GPC4: variants seen among roughly 807,000 people sequenced by gnomAD.
GPC4 encodes glypican 4, also known as glypican-4.
Under a neutral mutation model 35.0 loss-of-function variants are expected in GPC4, and 10 were observed. The observed-to-expected ratio is 0.29, with a 90% confidence interval of 0.18 to 0.48. The LOEUF (loss-of-function observed/expected upper bound fraction) is 0.48. GPC4 is among the 20% of genes least tolerant of loss of function. GPC4 has a pLI of 0.99. For missense variants in GPC4, 322 were observed against 451.3 expected, an observed-to-expected ratio of 0.71 and a Z score of 2.60; for synonymous variants, 167 against 170.2, an observed-to-expected ratio of 0.98 and a Z score of 0.15.
intron 1 of GPC4, among the ~76,000 whole-genome samples, chrX:133,403,843 A>T (rs887188652): frequency 2.7e-5 from 3 of 109,632 alleles, no homozygotes; most frequent in Non-Finnish European, 5.7e-5. Context: ...TTACAGGTGC[A>T]TACCACCACA....
rs773106480 is a variant in GPC4 at position 133,336,248 on chromosome X, A to G, written c.319+2935T>C. On this transcript the variant is annotated intron_variant, in intron 2 of 8. Coordinates refer to ENST00000370828, the MANE Select transcript of GPC4 (RefSeq NM_001448.3). The stretch of plus-strand genomic sequence containing the variant: ...AATTGACAGCCTTAAAAATTAGTCA[A>G]TCATCGCCAGGCGCGGTGGCTCATG... 3.6e-5 allele frequency among the ~76,000 whole-genome samples: 4 copies of G among 111,594 alleles called. No individual in the cohort carries two copies. The East Asian group carries it at 1.1e-3, about 32-fold the overall frequency.
At chrX:133,408,071 A>G (rs111302095) in intron 1 of GPC4, among the ~76,000 whole-genome samples, 410 of 112,708 alleles carry the variant, frequency 3.6e-3, no homozygotes, top group African/African-American at 0.012. Flanking sequence ...GCTGAATTAA[A>G]TGCATCAGAA....
In GPC4 at chrX:133,412,297, T is replaced by G. The variant is rs879213984; in HGVS notation, c.160+2509A>C. ...GAGAGGCCAGGGTGATGGTAAAGAT[T>G]ACGCCTGTTTCTATACTGGCCGTCT... On this transcript the variant is annotated intron_variant, in intron 1 of 8. Transcript: ENST00000370828. Among the ~76,000 whole-genome samples, 4 of 112,242 alleles carry G rather than the reference T, an allele frequency of 3.6e-5. No homozygotes were observed. The Admixed American group carries it at 3.8e-4, about 11-fold the overall frequency.
intron 1 of GPC4, among the ~76,000 whole-genome samples, chrX:133,387,850 T>C (rs775149156): frequency 5.4e-5 from 6 of 112,042 alleles, no homozygotes; most frequent in East Asian, 5.6e-4. Flanking sequence ...AATGCTTGAA[T>C]TGAGTTCCCC....
chrX:133,305,006 C>G, intron 6 of GPC4, 145 bp from the exon 7 acceptor site: 1 of 545,546 alleles, frequency 1.8e-6, no homozygotes, highest in Non-Finnish European at 2.9e-6. Context: ...GAAGATGCAA[C>G]TCCAATTTAT....
intron 1 of GPC4, among the ~76,000 whole-genome samples, chrX:133,366,395 G>A (rs2068590286): frequency 8.9e-6 from 1 of 111,790 alleles, no homozygotes; most frequent in Non-Finnish European, 1.9e-5. Flanking sequence ...ACTACAAAAG[G>A]TTGGGCTCCA....
At chrX:133,414,149 G>C (rs1226151195) in intron 1 of GPC4, among the ~76,000 whole-genome samples, 4 of 111,242 alleles carry the variant, frequency 3.6e-5, no homozygotes, top group South Asian at 7.8e-4. Flanking sequence ...TCAGGGTTTG[G>C]AGGGGTGGAG....
intron 1 of GPC4, among the ~76,000 whole-genome samples, chrX:133,354,841 T>TA (rs1462328397): frequency 2.7e-5 from 3 of 111,431 alleles, no homozygotes; most frequent in Non-Finnish European, 5.6e-5. Context: ...GTGCTGGGAT[T>TA]ACAGGCGTGA....
At chrX:133,344,277 G>C (rs1434962331) in intron 1 of GPC4, among the ~76,000 whole-genome samples, 1 of 79,023 alleles carries the variant, frequency 1.3e-5, no homozygotes, top group African/African-American at 4.8e-5. Flanking sequence ...CCAGGCTGGA[G>C]TGCAATGGCG....
intron 1 of GPC4, among the ~76,000 whole-genome samples, chrX:133,363,508 C>A (rs1000604350): frequency 9.0e-6 from 1 of 111,422 alleles, no homozygotes; most frequent in Non-Finnish European, 1.9e-5. Context: ...GAACCCTGGT[C>A]TCCTGTGGTC....
rs36008423 is a variant in GPC4, at chrX:133,409,320, TAAAAAAAAAAAAAAAAAAAAA to T, written c.160+5465_160+5485del. On this transcript the variant is annotated intron_variant, in intron 1 of 8. Transcript: ENST00000370828. Reference sequence around the variant, plus strand: ...TCTGGGCAACAGTGAGACCCTGCCTTAAAAAAAAAAAAAAAAAAAAAAAAAAAAAAAAAAAGTGTTTAGATC... The same window carrying T: ...TCTGGGCAACAGTGAGACCCTGCCTTAAAAAAAAAAAAAAGTGTTTAGATC... Among the ~76,000 whole-genome samples, 4 of 31,794 alleles carry T rather than the reference TAAAAAAAAAAAAAAAAAAAAA, an allele frequency of 1.3e-4. 1 individual carries two copies. The East Asian group carries it at 3.1e-3, about 24-fold the overall frequency. The allele number at this position is 31,794 out of a possible 115,157, so 27.6% of individuals were successfully genotyped here.
chrX:133,348,704 C>G (rs1056570624), intron 1 of GPC4, among the ~76,000 whole-genome samples: 1 of 112,385 alleles, frequency 8.9e-6, no homozygotes. Flanking sequence ...CCAAATGCCT[C>G]TACGGATTTC....
intron 1 of GPC4, among the ~76,000 whole-genome samples, chrX:133,352,388 T>C (rs1360425008): frequency 9.0e-6 from 1 of 111,583 alleles, no homozygotes; most frequent in Non-Finnish European, 1.9e-5. Flanking sequence ...TAAAACTCCT[T>C]GGGGACCTAG....
At chrX:133,312,095 G>C (rs780022326) in intron 3 of GPC4, among the ~76,000 whole-genome samples, 1 of 111,418 alleles carries the variant, frequency 9.0e-6, no homozygotes, top group South Asian at 3.8e-4. Flanking sequence ...AGTGTTCACA[G>C]AACACTTGAT....
At chrX:133,409,846 G>T (rs1177826181) in intron 1 of GPC4, among the ~76,000 whole-genome samples, 1 of 111,384 alleles carries the variant, frequency 9.0e-6, no homozygotes, top group Non-Finnish European at 1.9e-5. Context: ...GGATTTAGGA[G>T]GGGGGGACAG....
At chrX:133,361,597 C>T (rs934426533) in intron 1 of GPC4, among the ~76,000 whole-genome samples, 1 of 110,060 alleles carries the variant, frequency 9.1e-6, no homozygotes, top group African/African-American at 3.3e-5. Flanking sequence ...GATTAAGTAG[C>T]GCCAACTCTC....
At chrX:133,374,556 A>C (rs1308597778) in intron 1 of GPC4, among the ~76,000 whole-genome samples, 1 of 111,988 alleles carries the variant, frequency 8.9e-6, no homozygotes, top group East Asian at 2.8e-4. Flanking sequence ...TTATACATGT[A>C]GAGAGGAAAC....
chrX:133,359,917 T>A (rs2068559391), intron 1 of GPC4, among the ~76,000 whole-genome samples: 1 of 110,070 alleles, frequency 9.1e-6, no homozygotes, highest in African/African-American at 3.3e-5. Flanking sequence ...ATAAGCGGGG[T>A]TCTAGAAGGG....
intron 1 of GPC4, among the ~76,000 whole-genome samples, chrX:133,403,730 C>G (rs753941267): frequency 9.3e-6 from 1 of 107,794 alleles, no homozygotes; most frequent in South Asian, 4.3e-4. Context: ...GAGTCTCACT[C>G]TGTCGCCCAA....
Sources: allele counts gnomAD v4.1 joint callset (sites outside exome capture counted in the v4.1 genomes callset), GRCh38; gene constraint gnomAD v4.1.1; transcripts MANE v1.5; gene names NCBI Gene and HGNC (gene_info 2026-07-23, HGNC 2026-07-21).